The following MCTP2 variants were observed in gnomAD, a reference collection of about 807,000 sequenced individuals.
MCTP2 encodes multiple C2 and transmembrane domain containing 2.
Under a neutral mutation model 111.6 loss-of-function variants are expected in MCTP2, and 132 were observed. The ratio of observed to expected loss-of-function variants is 1.18; its 90% confidence interval spans 1.03 to 1.37. MCTP2 has a LOEUF of 1.37. Among genes scored for constraint, MCTP2 ranks in the 40% most tolerant of loss-of-function variants. The pLI, the probability that MCTP2 is intolerant of heterozygous loss-of-function variation, is 0.00. For synonymous variants in MCTP2, 395 were observed against 387.7 expected (o/e 1.02, Z -0.22); for missense variants, 1,183 against 1,067.9 (o/e 1.11, Z -1.50).
intron 1 of MCTP2, among the ~76,000 whole-genome samples, chr15:94,237,477 A>T (rs1410723772): frequency 6.6e-6 from 1 of 151,506 alleles, no homozygotes; most frequent in East Asian, 1.9e-4. Context: ...ATTCTTATCT[A>T]AGGGGTCTGG....
intron 18 of MCTP2, 62 bp downstream of exon 18, chr15:94,440,360 C>T: frequency 6.3e-7 from 1 of 1,593,222 alleles, no homozygotes. Flanking sequence ...AACAAACTAC[C>T]ACCACCACCA....
intron 17 of MCTP2, among the ~76,000 whole-genome samples, chr15:94,413,569 A>AGTGTGTGTGTGTGTGTGTGT (rs34860214): frequency 2.0e-5 from 3 of 149,242 alleles, no homozygotes; most frequent in Non-Finnish European, 4.5e-5. Context: ...CATGACGCTG[A>AGTGTGTGTGTGTGTGTGTGT]GTGTGTGTGT....
At chr15:94,452,953 G>GTTTGT (rs895633815) in intron 19 of MCTP2, among the ~76,000 whole-genome samples, 2 of 95,936 alleles carry the variant, frequency 2.1e-5, no homozygotes, top group Middle Eastern at 5.1e-3. Flanking sequence ...AAAAAACTTT[G>GTTTGT]TTTGTTTTGT....
chr15:94,464,229 TTA>T lies in MCTP2; in HGVS notation c.2360+5992_2360+5993del, dbSNP rs367893895. On this transcript the variant is annotated intron_variant, in intron 20 of 22. Transcript: ENST00000357742. ...TGATTTTGCATGAAATATTATATGT[TTA>T]TATATATAATATATATATATATATA... 9.1e-5 allele frequency among the ~76,000 whole-genome samples: 8 copies of T among 88,278 alleles called. No homozygotes were observed. In the East Asian group the frequency reaches 1.5e-3, roughly 17 times the overall value. The allele number at this position is 88,278 out of a possible 152,430, so 57.9% of individuals were successfully genotyped here.
rs191289492 is a variant in MCTP2 at position 94,408,575 on chromosome 15, G to T, written c.2085+6556G>T. Among the ~76,000 whole-genome samples, 1,280 of 151,958 alleles carry T rather than the reference G, an allele frequency of 8.4e-3. 11 individuals carry two copies. The highest frequency in any genetic ancestry group is 0.013 in the Non-Finnish European group (903 of 67,990). On this transcript the variant is annotated intron_variant, in intron 17 of 22. Transcript: ENST00000357742. Reference sequence around the variant, plus strand: ...TGAGCATAATTTTTACAACATAATTGCACCTTCTATTGGCAGGTTCTCAGG... The same window carrying T: ...TGAGCATAATTTTTACAACATAATTTCACCTTCTATTGGCAGGTTCTCAGG...
chr15:94,302,395 G>A (rs1247670193), intron 2 of MCTP2, among the ~76,000 whole-genome samples: 2 of 152,136 alleles, frequency 1.3e-5, no homozygotes, highest in Admixed American at 6.6e-5. Flanking sequence ...CTACTGTTAT[G>A]GGGAATTGGA....
chr15:94,456,050 G>C (rs2084816610), intron 19 of MCTP2, among the ~76,000 whole-genome samples: 1 of 152,100 alleles, frequency 6.6e-6, no homozygotes, highest in Non-Finnish European at 1.5e-5. Context: ...AAATGGAATA[G>C]TTTTATAGGT....
chr15:94,474,950 C>A (rs948171243), intron 21 of MCTP2, among the ~76,000 whole-genome samples: 3 of 151,686 alleles, frequency 2.0e-5, no homozygotes. Flanking sequence ...GGTTTATAAT[C>A]TTCTCAGTGA....
At chr15:94,245,550 A>G (rs111208073) in intron 1 of MCTP2, among the ~76,000 whole-genome samples, 3,504 of 142,996 alleles carry the variant, frequency 0.025, 121 homozygotes, top group African/African-American at 0.084. Flanking sequence ...GTATATATTT[A>G]TATATGTATA....
intron 1 of MCTP2, among the ~76,000 whole-genome samples, chr15:94,245,176 A>G (rs543869455): frequency 6.8e-6 from 1 of 147,122 alleles, no homozygotes; most frequent in East Asian, 2.1e-4. Flanking sequence ...ACACATGTAT[A>G]GATTTATACA....
In MCTP2 at chr15:94,449,140, T is replaced by A. The variant is rs146474431; in HGVS notation, c.2250+6180T>A. ...AGAAAGGGGGGATACCACTTTTTTCTTCAAGGGAAAAGTAATCACTGGAAT... is the reference window on the plus strand; with the variant it reads ...AGAAAGGGGGGATACCACTTTTTTCATCAAGGGAAAAGTAATCACTGGAAT... On this transcript the variant is annotated intron_variant, in intron 19 of 22. Transcript: ENST00000357742. 1.9e-3 allele frequency among the ~76,000 whole-genome samples: 286 copies of A among 152,322 alleles called. 7 individuals carry two copies. In the East Asian group the frequency reaches 0.051, roughly 27 times the overall value.
chr15:94,483,687 T>C lies in MCTP2; in HGVS notation c.*4653T>C, dbSNP rs981613551. ...CATGGACATGTAGAAGGGAACAAAA[T>C]ACACTGGGGGCTATTGGAGGGTGAA... On this transcript the variant is annotated 3_prime_UTR_variant, in exon 23 of 23. Transcript: ENST00000357742. 6.6e-6 allele frequency: 1 copy of C among 151,932 alleles called. No homozygotes were observed. The highest frequency in any genetic ancestry group is 1.5e-5 in the Non-Finnish European group (1 of 67,980). 9.4% of individuals were successfully genotyped at this position (151,932 alleles called of 1,614,324 possible). A position where few individuals can be genotyped will look rare whatever the true frequency, so the allele number is the denominator to read the frequency against.
At chr15:94,377,242 A>G (rs1245984680) in intron 12 of MCTP2, among the ~76,000 whole-genome samples, 1 of 152,210 alleles carries the variant, frequency 6.6e-6, no homozygotes, top group Non-Finnish European at 1.5e-5. Flanking sequence ...TCGTCTCTTA[A>G]AGATGCCCTA....
At chr15:94,294,423 G>A (rs1019766835) in intron 1 of MCTP2, among the ~76,000 whole-genome samples, 1 of 152,192 alleles carries the variant, frequency 6.6e-6, no homozygotes, top group African/African-American at 2.4e-5. Context: ...GGTGGTTCCA[G>A]TGTCCAGGGG....
intron 10 of MCTP2, among the ~76,000 whole-genome samples, chr15:94,360,341 C>G (rs1172967464): frequency 6.6e-6 from 1 of 152,164 alleles, no homozygotes; most frequent in Non-Finnish European, 1.5e-5. Flanking sequence ...CTTCTGTGAC[C>G]TTGTCTCTCA....
chr15:94,397,716 T>C (rs2081352400), intron 14 of MCTP2, among the ~76,000 whole-genome samples: 1 of 152,228 alleles, frequency 6.6e-6, no homozygotes, highest in African/African-American at 2.4e-5. Context: ...CCATGACTTA[T>C]ACAACTCATT....
intron 20 of MCTP2, among the ~76,000 whole-genome samples, chr15:94,461,374 C>T (rs535663222): frequency 2.6e-5 from 4 of 152,242 alleles, no homozygotes; most frequent in African/African-American, 7.2e-5. Context: ...GCAGGAGAAT[C>T]GCTTGAACCT....
intron 8 of MCTP2, among the ~76,000 whole-genome samples, chr15:94,345,997 A>C (rs1166222331): frequency 6.6e-6 from 1 of 152,058 alleles, no homozygotes; most frequent in African/African-American, 2.4e-5. Flanking sequence ...ACCCACATAT[A>C]TGTGCACATA....
chr15:94,470,477 T>TTC (rs763086341), intron 21 of MCTP2, 35 bp downstream of exon 21: 2 of 1,357,676 alleles, frequency 1.5e-6, no homozygotes, highest in South Asian at 2.3e-5. Context: ...TAGCAATCAA[T>TTC]TCCAGGTAAG....
Sources: allele counts gnomAD v4.1 joint callset (sites outside exome capture counted in the v4.1 genomes callset), GRCh38; gene constraint gnomAD v4.1.1; transcripts MANE v1.5; gene names NCBI Gene and HGNC (gene_info 2026-07-23, HGNC 2026-07-21).